Variants in GRIK1 observed in about 807,000 individuals in gnomAD.
GRIK1 encodes the protein glutamate receptor ionotropic, kainate 1.
A neutral mutation model predicts 105.7 loss-of-function variants in GRIK1; 69 were observed. The observed-to-expected ratio is 0.65, with a 90% CI of 0.54 to 0.80. The LOEUF is 0.80. Among genes scored for constraint, GRIK1 ranks in the 30% least tolerant of loss-of-function variants. The pLI, the probability that GRIK1 is intolerant of heterozygous loss-of-function variation, is 0.00. For synonymous variants in GRIK1, 438 were observed against 431.3 expected, an observed-to-expected ratio of 1.02 and a Z score of -0.19; for missense variants, 1,109 against 1,167.3, an observed-to-expected ratio of 0.95 and a Z score of 0.73.
intron 1 of GRIK1, among the ~76,000 whole-genome samples, chr21:29,798,610 ATCCT>A (rs1355045350): frequency 1.3e-5 from 2 of 152,180 alleles, no homozygotes; most frequent in African/African-American, 2.4e-5. Context: ...CCTTTTAAAA[ATCCT>A]TCATTCATTA....
chr21:29,708,166 A>G (rs1036541226), intron 1 of GRIK1, among the ~76,000 whole-genome samples: 2 of 152,222 alleles, frequency 1.3e-5, no homozygotes, highest in African/African-American at 4.8e-5. Flanking sequence ...GTATGATTTT[A>G]GGTCAATGTA....
intron 1 of GRIK1, among the ~76,000 whole-genome samples, chr21:29,704,573 C>A (rs1316622302): frequency 6.6e-6 from 1 of 152,136 alleles, no homozygotes; most frequent in Non-Finnish European, 1.5e-5. Flanking sequence ...AGTAAATGGT[C>A]CTTCAGTTGA....
At chr21:29,808,381 A>G (rs1315742639) in intron 1 of GRIK1, among the ~76,000 whole-genome samples, 1 of 152,194 alleles carries the variant, frequency 6.6e-6, no homozygotes, top group Non-Finnish European at 1.5e-5. Flanking sequence ...CTGGCTCACA[A>G]GCCTAATACA....
chr21:29,807,895 C>T (rs553186302), intron 1 of GRIK1, among the ~76,000 whole-genome samples: 31 of 152,206 alleles, frequency 2.0e-4, no homozygotes, highest in Non-Finnish European at 3.5e-4. Flanking sequence ...TTTCCTCCAT[C>T]TGGAGGCTCA....
intron 3 of GRIK1, among the ~76,000 whole-genome samples, chr21:29,687,984 C>A (rs1031749829): frequency 6.6e-6 from 1 of 152,130 alleles, no homozygotes; most frequent in Non-Finnish European, 1.5e-5. Context: ...TATGAGCTCA[C>A]AAAATTTCAT....
intron 1 of GRIK1, among the ~76,000 whole-genome samples, chr21:29,749,497 G>A (rs1451455131): frequency 6.6e-6 from 1 of 152,156 alleles, no homozygotes; most frequent in Non-Finnish European, 1.5e-5. Flanking sequence ...AGTTAAGAAG[G>A]CTCCCATTGG....
intron 3 of GRIK1, among the ~76,000 whole-genome samples, chr21:29,687,726 A>T (rs978750691): frequency 2.0e-5 from 3 of 152,254 alleles, no homozygotes; most frequent in African/African-American, 7.2e-5. Context: ...TGTGTGGCTC[A>T]CCTGACATCA....
rs781306408 is a variant in GRIK1, at chr21:29,939,540, C to A, written c.-40G>T. ...AATTCATGCCGAGATACAGCCGCTGCCGGACGCCCGAGAGATGCACCCAAC... is the reference window on the plus strand; with the variant it reads ...AATTCATGCCGAGATACAGCCGCTGACGGACGCCCGAGAGATGCACCCAAC... On this transcript the variant is annotated 5_prime_UTR_variant, in exon 1 of 18. Coordinates refer to ENST00000327783, the MANE Select transcript of GRIK1 (RefSeq NM_001330994.2). 5.2e-6 allele frequency: 7 copies of A among 1,341,206 alleles called. No homozygotes were observed. The highest frequency in any genetic ancestry group is 7.2e-6 in the Non-Finnish European group (7 of 973,712). The allele number at this position is 1,341,206 out of a possible 1,614,324, so 83.1% of individuals were successfully genotyped here. A position where few individuals can be genotyped will look rare whatever the true frequency, so the allele number is the denominator to read the frequency against.
At chr21:29,811,269 A>C (rs74443516) in intron 1 of GRIK1, among the ~76,000 whole-genome samples, 1 of 152,126 alleles carries the variant, frequency 6.6e-6, no homozygotes, top group Non-Finnish European at 1.5e-5. Context: ...AAGGCATTAG[A>C]CAAGGTCAGA....
chr21:29,926,063 C>T (rs1057380592), intron 1 of GRIK1, among the ~76,000 whole-genome samples: 1 of 149,730 alleles, frequency 6.7e-6, no homozygotes, highest in African/African-American at 2.5e-5. Context: ...ACTCAAGTAA[C>T]TGTAGGATAA....
intron 1 of GRIK1, among the ~76,000 whole-genome samples, chr21:29,770,892 A>G (rs1013440834): frequency 3.9e-5 from 6 of 152,250 alleles, no homozygotes; most frequent in South Asian, 2.1e-4. Flanking sequence ...TTATTTCAGT[A>G]TGAAACAGAA....
chr21:29,565,251 C>T (rs568785861), intron 14 of GRIK1, among the ~76,000 whole-genome samples: 23 of 152,278 alleles, frequency 1.5e-4, no homozygotes, highest in Admixed American at 6.5e-4. Flanking sequence ...AGCTCTCTTT[C>T]GTCGTTTAAA....
chr21:29,926,405 A>T (rs1043242662), intron 1 of GRIK1, among the ~76,000 whole-genome samples: 2 of 152,168 alleles, frequency 1.3e-5, no homozygotes, highest in Non-Finnish European at 2.9e-5. Flanking sequence ...TCAAATATAG[A>T]TTTTTAACAC....
At chr21:29,854,296 G>A (rs2068395067) in intron 1 of GRIK1, among the ~76,000 whole-genome samples, 2 of 151,946 alleles carry the variant, frequency 1.3e-5, no homozygotes, top group African/African-American at 4.8e-5. Flanking sequence ...TTTGGTGATA[G>A]CACCAAGCTA....
At chr21:29,745,482 G>T (rs904285288) in intron 1 of GRIK1, among the ~76,000 whole-genome samples, 2 of 152,212 alleles carry the variant, frequency 1.3e-5, no homozygotes, top group African/African-American at 4.8e-5. Flanking sequence ...TTGGGTAACT[G>T]ATAGATAACT....
chr21:29,572,464 C>G (rs928120818), intron 14 of GRIK1, among the ~76,000 whole-genome samples: 1 of 152,086 alleles, frequency 6.6e-6, no homozygotes, highest in Non-Finnish European at 1.5e-5. Flanking sequence ...CATTCACTCT[C>G]CCTCCCTCTC....
chr21:29,916,037 G>A (rs2070984169), intron 1 of GRIK1, among the ~76,000 whole-genome samples: 1 of 151,892 alleles, frequency 6.6e-6, no homozygotes, highest in African/African-American at 2.4e-5. Context: ...AGGCCAAGGT[G>A]AACTACAAAT....
At chr21:29,644,176 G>A (rs933491990) in intron 6 of GRIK1, among the ~76,000 whole-genome samples, 2 of 151,898 alleles carry the variant, frequency 1.3e-5, no homozygotes, top group African/African-American at 4.8e-5. Context: ...GAGGACAGGG[G>A]TTACTATATC....
chr21:29,561,965 G>A lies in GRIK1; in HGVS notation c.2131-116C>T, dbSNP rs916007282. 15 of 663,592 alleles carry A rather than the reference G, an allele frequency of 2.3e-5. No homozygotes were observed. The African/African-American group carries it at 2.7e-4, about 12-fold the overall frequency. 41.1% of individuals were successfully genotyped at this position (663,592 alleles called of 1,614,324 possible). On this transcript the variant is annotated intron_variant, in intron 14 of 17. Transcript: ENST00000327783. ...TAGGGAGGATACTTTCTCCACAGGT[G>A]GGGGAGTCAAGATTGATGATCTCAA... is the stretch of plus-strand genomic sequence containing the variant.
Sources: allele counts gnomAD v4.1 joint callset (sites outside exome capture counted in the v4.1 genomes callset), GRCh38; gene constraint gnomAD v4.1.1; transcripts MANE v1.5; gene names NCBI Gene and HGNC (gene_info 2026-07-23, HGNC 2026-07-21).